DIP2C: variants seen among roughly 807,000 people sequenced by gnomAD.
DIP2C encodes the protein DIP2 acetate--CoA ligase C (putative), also known as disco-interacting protein 2 homolog C.
A neutral mutation model predicts 192.4 loss-of-function variants in DIP2C; 33 were observed. The ratio of observed to expected loss-of-function variants is 0.17; its 90% confidence interval spans 0.13 to 0.23. DIP2C has a LOEUF of 0.23. Ranked by LOEUF, DIP2C falls within the 10% of genes least tolerant of loss-of-function variation. The pLI is 1.00. For missense variants in DIP2C, 1,537 were observed against 2,110.1 expected, an observed-to-expected ratio of 0.73 and a Z score of 5.32; for synonymous variants, 979 against 864.1, an observed-to-expected ratio of 1.13 and a Z score of -2.33.
intron 1 of DIP2C, among the ~76,000 whole-genome samples, chr10:560,453 T>C (rs1294977748): frequency 6.6e-6 from 1 of 152,160 alleles, no homozygotes; most frequent in African/African-American, 2.4e-5. Flanking sequence ...AGTCACTTAA[T>C]GTATCAGCAC....
chr10:521,338 G>A (rs1846695261), intron 1 of DIP2C, among the ~76,000 whole-genome samples: 2 of 152,168 alleles, frequency 1.3e-5, no homozygotes, highest in South Asian at 2.1e-4. Flanking sequence ...GGATTCTGAG[G>A]TGCCTGAGTG....
chr10:291,374 C>T (rs1009132166), intron 32 of DIP2C, among the ~76,000 whole-genome samples: 1 of 152,180 alleles, frequency 6.6e-6, no homozygotes, highest in African/African-American at 2.4e-5. Context: ...TCACTCAGGT[C>T]GGTGCTGGAT....
At chr10:298,558 T>C (rs1382440957) in intron 32 of DIP2C, among the ~76,000 whole-genome samples, 2 of 152,200 alleles carry the variant, frequency 1.3e-5, no homozygotes, top group African/African-American at 4.8e-5. Flanking sequence ...GCTGGCCTCA[T>C]GGAGGGCACA....
rs999433383 is a variant in DIP2C, at chr10:486,525, T to C, written c.91A>G (p.Ile31Val). 4 of 1,605,954 alleles carry C rather than the reference T, an allele frequency of 2.5e-6. No homozygotes were observed. The highest frequency in any genetic ancestry group is 3.4e-6 in the Non-Finnish European group (4 of 1,176,430). ...ELELELSEGD[I>V]TQKGYEKKRS... ...TTCTTTTCATATCCTTTTTGTGTGA[T>C]GTCACCTGCAAGAGAAGGAAAATGA... is the stretch of plus-strand genomic sequence containing the variant. Residue 31 changes from isoleucine (I) to valine (V), a missense_variant, in exon 2 of 37, where the codon ATC (isoleucine) becomes GTC (valine). Transcript: ENST00000280886.
chr10:630,403 A>G (rs1854450572), intron 1 of DIP2C: 2 of 152,268 alleles, frequency 1.3e-5, no homozygotes, highest in African/African-American at 4.8e-5. Flanking sequence ...TGAAAGGTTA[A>G]TTATACAGAC....
In DIP2C at chr10:363,040, T is replaced by A. The variant is rs1356138354; in HGVS notation, c.2592+157A>T. Reference sequence around the variant, plus strand: ...CTACACCCTCGATCTGCTGAGCTAGTTTCTGGACACTTGATGTAGTTCCTG... The same window carrying A: ...CTACACCCTCGATCTGCTGAGCTAGATTCTGGACACTTGATGTAGTTCCTG... On this transcript the variant is annotated intron_variant, in intron 21 of 36. Coordinates refer to ENST00000280886, the MANE Select transcript of DIP2C (RefSeq NM_014974.3). The surrounding 1 kb of genome is among the most constrained non-coding windows in gnomAD (Gnocchi z 5.4). Among the ~76,000 whole-genome samples the A allele has an allele frequency of 4.6e-5, 7 of 152,096 alleles. No individual in the cohort carries two copies. The highest frequency in any genetic ancestry group is 3.9e-4 in the Admixed American group (6 of 15,276).
rs2132725121 is a variant in DIP2C at position 363,182 on chromosome 10, G to A, written c.2592+15C>T. On this transcript the variant is annotated intron_variant, in intron 21 of 36. Coordinates refer to ENST00000280886, the MANE Select transcript of DIP2C (RefSeq NM_014974.3). This position sits in a 1 kb window ranked among gnomAD's most constrained non-coding sequence, Gnocchi z 5.4. ...AAGACACAGGGGACCAGTGCCCAGG[G>A]CGAGGGAGGGCAACCTGCAGCACAC... is the stretch of plus-strand genomic sequence containing the variant. 1 of 1,607,694 alleles carries A rather than the reference G, an allele frequency of 6.2e-7. No homozygotes were observed. The highest frequency in any genetic ancestry group is 1.3e-5 in the African/African-American group (1 of 74,914).
chr10:414,775 G>A (rs1325835950), intron 7 of DIP2C, among the ~76,000 whole-genome samples: 2 of 121,496 alleles, frequency 1.6e-5, no homozygotes, highest in South Asian at 2.7e-4. Flanking sequence ...TATATATAAT[G>A]TGTATATATA....
intron 17 of DIP2C, among the ~76,000 whole-genome samples, chr10:371,637 A>T (rs1405396259): frequency 6.6e-6 from 1 of 151,104 alleles, no homozygotes; most frequent in Non-Finnish European, 1.5e-5. Flanking sequence ...TGAGCAGAGC[A>T]GCACCCGAGG....
At chr10:518,137 G>A (rs1846479473) in intron 1 of DIP2C, among the ~76,000 whole-genome samples, 1 of 152,218 alleles carries the variant, frequency 6.6e-6, no homozygotes, top group Admixed American at 6.5e-5. Flanking sequence ...ACAGTCACAG[G>A]CATGAGGCCT....
At chr10:626,458 A>AGTTACCCTCCGTCCCCCGTCCCCGGG (rs1322970320) in intron 1 of DIP2C, among the ~76,000 whole-genome samples, 4 of 135,554 alleles carry the variant, frequency 3.0e-5, no homozygotes, top group Middle Eastern at 3.5e-3. Context: ...CCGTCCCCGG[A>AGTTACCCTCCGTCCCCCGTCCCCGGG]GTTACCCTCC....
intron 10 of DIP2C, among the ~76,000 whole-genome samples, chr10:395,192 A>G (rs1326918704): frequency 1.3e-5 from 2 of 150,864 alleles, no homozygotes; most frequent in African/African-American, 4.9e-5. Context: ...GAAGAGACAA[A>G]GCCTCAGATT....
intron 32 of DIP2C, among the ~76,000 whole-genome samples, chr10:305,031 A>C (rs1023808959): frequency 7.2e-6 from 1 of 139,202 alleles, no homozygotes; most frequent in South Asian, 2.3e-4. Flanking sequence ...TGACACATAT[A>C]TGCACGTGTC....
chr10:295,580 A>G (rs1955712452), intron 32 of DIP2C, among the ~76,000 whole-genome samples: 1 of 3,002 alleles, frequency 3.3e-4, no homozygotes, highest in Non-Finnish European at 1.7e-3. Context: ...AAAAAAAAAA[A>G]AAAAAAAAAA....
intron 1 of DIP2C, among the ~76,000 whole-genome samples, chr10:567,138 A>G (rs1443610273): frequency 1.3e-5 from 2 of 152,210 alleles, no homozygotes; most frequent in Non-Finnish European, 2.9e-5. Context: ...TGCCAAATCA[A>G]ATCCAACTCC....
chr10:503,777 T>G (rs1845408388), intron 1 of DIP2C, among the ~76,000 whole-genome samples: 2 of 152,200 alleles, frequency 1.3e-5, no homozygotes, highest in Admixed American at 1.3e-4. Flanking sequence ...TTTACATCTT[T>G]CAGGACAGGA....
At chr10:613,786 T>C (rs1365961522) in intron 1 of DIP2C, among the ~76,000 whole-genome samples, 1 of 152,138 alleles carries the variant, frequency 6.6e-6, no homozygotes, top group Non-Finnish European at 1.5e-5. Flanking sequence ...GCCACCCTCC[T>C]GATCTCAACA....
At chr10:326,344 C>T (rs1414101833) in intron 31 of DIP2C, among the ~76,000 whole-genome samples, 1 of 152,066 alleles carries the variant, frequency 6.6e-6, no homozygotes, top group Non-Finnish European at 1.5e-5. Context: ...GGAGGCTCAC[C>T]CAGCAGCAAC....
At chr10:606,992 G>T (rs1852537612) in intron 1 of DIP2C, among the ~76,000 whole-genome samples, 1 of 152,202 alleles carries the variant, frequency 6.6e-6, no homozygotes, top group African/African-American at 2.4e-5. Context: ...GTACGTGGCA[G>T]AAATGCTGCG....
Sources: gnomAD v4.1 joint callset for allele counts (sites outside exome capture counted in the v4.1 genomes callset) on GRCh38, gnomAD v4.1.1 for gene constraint, Gnocchi (gnomAD v3.1) non-coding constraint, MANE v1.5 for transcripts, NCBI Gene and HGNC (gene_info 2026-07-23, HGNC 2026-07-21) for gene names.